TNS4: variants seen among roughly 807,000 people sequenced by gnomAD.
TNS4 encodes tensin-4.
TNS4 carries 46 observed loss-of-function variants against 70.4 expected under a neutral mutation model. The ratio of observed to expected loss-of-function variants is 0.65; its 90% CI spans 0.52 to 0.84. The LOEUF is 0.84. TNS4 is among the 40% of genes least tolerant of loss of function. The probability of loss-of-function intolerance (pLI) is 0.00; values close to 1 mark genes in which losing one functional copy is unlikely to be tolerated. For synonymous variants in TNS4, 390 were observed against 366.6 expected, an observed-to-expected ratio of 1.06 and a Z score of -0.73; for missense variants, 863 against 907.0, an observed-to-expected ratio of 0.95 and a Z score of 0.62.
intron 6 of TNS4, among the ~76,000 whole-genome samples, chr17:40,482,808 A>G (rs544671335): frequency 1.3e-5 from 2 of 151,780 alleles, no homozygotes; most frequent in East Asian, 1.9e-4. Flanking sequence ...CACCTTGTCC[A>G]TCCCCCTGCC....
intron 6 of TNS4, 39 bp from the exon 7 acceptor site, chr17:40,482,455 A>C: frequency 6.2e-7 from 1 of 1,606,426 alleles, no homozygotes; most frequent in Non-Finnish European, 8.5e-7. Context: ...ATAGAATTCC[A>C]CCTTGTGGCC....
Position 40,476,369 on chromosome 17 carries a change from C to CATGT in TNS4, c.*1218_*1219insACAT, listed in dbSNP as rs1276218773. ...TTGAAGCCACATAGCAGTAGAGGGGCGTGTGTGTGTGTGTGTGTGTGTGTG... is the reference window on the plus strand; with the variant it reads ...TTGAAGCCACATAGCAGTAGAGGGGCATGTGTGTGTGTGTGTGTGTGTGTGTGTG... On this transcript the variant is annotated 3_prime_UTR_variant, in exon 13 of 13. Coordinates refer to ENST00000254051, the MANE Select transcript of TNS4 (RefSeq NM_032865.6). The CATGT allele has an allele frequency of 1.8e-4, 17 of 92,850 alleles. No individual in the cohort carries two copies. The highest frequency in any genetic ancestry group is 3.4e-4 in the Non-Finnish European group (16 of 46,944). 5.8% of individuals were successfully genotyped at this position (92,850 alleles called of 1,614,324 possible). A position where few individuals can be genotyped will look rare whatever the true frequency, so the allele number is the denominator to read the frequency against.
Position 40,484,618 on chromosome 17 carries a change from A to G in TNS4, c.1376-9T>C. 6.2e-7 allele frequency: 1 copy of G among 1,611,516 alleles called. No individual in the cohort carries two copies. Among genetic ancestry groups the G allele is most frequent in the Non-Finnish European group, 8.5e-7 (1 of 1,179,968 alleles). Reference sequence around the variant, plus strand: ...CCTCAGCAGCTCGATTGCTGGAACAATCCTTGAGTCAGAGATGGACACCGC... The same window carrying G: ...CCTCAGCAGCTCGATTGCTGGAACAGTCCTTGAGTCAGAGATGGACACCGC... On this transcript the variant is annotated splice_polypyrimidine_tract_variant and intron_variant, in intron 5 of 12. Coordinates refer to ENST00000254051, the MANE Select transcript of TNS4 (RefSeq NM_032865.6).
chr17:40,480,087 G>C (rs1319059326), intron 9 of TNS4: 2 of 533,464 alleles, frequency 3.7e-6, no homozygotes, highest in Non-Finnish European at 6.6e-6. Flanking sequence ...GCAGGGGAGG[G>C]GATGTTGCCC....
At chr17:40,484,836 A>C in intron 5 of TNS4, 85 bp downstream of exon 5, 2 of 1,523,602 alleles carry the variant, frequency 1.3e-6, no homozygotes, top group Non-Finnish European at 1.8e-6. Context: ...ACTATTTGCC[A>C]TTCCTTAACT....
At chr17:40,482,640 GTGGTTCACATGCC>G (rs1440617216) in intron 6 of TNS4, among the ~76,000 whole-genome samples, 1 of 151,686 alleles carries the variant, frequency 6.6e-6, no homozygotes, top group Non-Finnish European at 1.5e-5. Context: ...AAAGCCGGGC[GTGGTTCACATGCC>G]TGTAGTCCCA....
rs112959200 is a variant in TNS4, at chr17:40,477,328, A to T, written c.*260T>A. ...CAGAATCATGGAGGAGCATGTTCAAATGCCCACCAGCATCTAAGAACAGCT... is the reference window on the plus strand; with the variant it reads ...CAGAATCATGGAGGAGCATGTTCAATTGCCCACCAGCATCTAAGAACAGCT... On this transcript the variant is annotated 3_prime_UTR_variant, in exon 13 of 13. Coordinates refer to ENST00000254051, the MANE Select transcript of TNS4 (RefSeq NM_032865.6). 7.5e-5 allele frequency: 34 copies of T among 453,878 alleles called. No homozygotes were observed. The highest frequency in any genetic ancestry group is 5.8e-4 in the Middle Eastern group (1 of 1,716). The allele number at this position is 453,878 out of a possible 1,614,324, so 28.1% of individuals were successfully genotyped here.
chr17:40,480,108 G>C, intron 9 of TNS4: 1 of 452,714 alleles, frequency 2.2e-6, no homozygotes, highest in Non-Finnish European at 3.9e-6. Context: ...TGTGTGTAGA[G>C]GTGCCCAGGA....
chr17:40,494,602 G>C (rs1250696290), intron 2 of TNS4, among the ~76,000 whole-genome samples: 2 of 152,026 alleles, frequency 1.3e-5, no homozygotes, highest in Non-Finnish European at 2.9e-5. Context: ...CATGGTGGCA[G>C]GTGCCTGTAA....
At chr17:40,484,450 G>T in intron 6 of TNS4, 34 bp downstream of exon 6, 1 of 1,601,942 alleles carries the variant, frequency 6.2e-7, no homozygotes. Context: ...CTGCCTCAGT[G>T]AGGCCTTGAG....
At chr17:40,477,818 C>T (rs946865856) in intron 12 of TNS4, 89 bp from the exon 13 acceptor site, 1 of 1,246,830 alleles carries the variant, frequency 8.0e-7, no homozygotes, top group South Asian at 1.3e-5. Context: ...CCTCAGCCTG[C>T]ATCTCATTCC....
At chr17:40,499,286 A>G (rs899636696) in intron 1 of TNS4, among the ~76,000 whole-genome samples, 6 of 151,778 alleles carry the variant, frequency 4.0e-5, no homozygotes, top group African/African-American at 1.4e-4. Flanking sequence ...ATTGATCACG[A>G]CCCTCTCACA....
intron 12 of TNS4, 82 bp from the exon 13 acceptor site, chr17:40,477,811 C>A: frequency 7.6e-7 from 1 of 1,321,950 alleles, no homozygotes; most frequent in South Asian, 1.3e-5. Flanking sequence ...GGGGGGCCCT[C>A]AGCCTGCATC....
At chr17:40,492,531 C>T (rs2036087453) in intron 2 of TNS4, among the ~76,000 whole-genome samples, 2 of 151,742 alleles carry the variant, frequency 1.3e-5, no homozygotes, top group Admixed American at 6.6e-5. Flanking sequence ...TCACACCCAA[C>T]TAATTTTTGT....
intron 5 of TNS4, 98 bp downstream of exon 5, chr17:40,484,823 C>T (rs1211563891): frequency 1.4e-6 from 2 of 1,464,612 alleles, no homozygotes; most frequent in African/African-American, 2.8e-5. Context: ...CTTCCCAGGA[C>T]CCACTATTTG....
chr17:40,496,388 C>A lies in TNS4; in HGVS notation c.38G>T (p.Gly13Val), dbSNP rs775487924. The change falls in exon 2 of 13, where the codon GGC becomes GTC. Residue 13 changes from glycine (G) to valine (V), a missense_variant. Physicochemically the swap from Gly to Val is moderately radical, Grantham distance 109. Transcript: ENST00000254051. ...QVMSSPLLAG[G>V]HAVSLAPCDE... ...ACAAGGCGCCAAGCTGACAGCATGG[C>A]CTCCTGCCAGCAGTGGGCTGGACAT... The A allele has an allele frequency of 1.1e-5, 17 of 1,613,028 alleles. No homozygotes were observed. The South Asian group carries it at 1.9e-4, about 18-fold the overall frequency.
chr17:40,481,795 A>G (rs921277383), intron 8 of TNS4, among the ~76,000 whole-genome samples: 38 of 152,224 alleles, frequency 2.5e-4, no homozygotes, highest in African/African-American at 8.9e-4. Flanking sequence ...TCTCCAAACT[A>G]TTTGATTTAG....
rs1376040664 is a variant in TNS4, at chr17:40,484,607, T to A, written c.1378A>T (p.Ile460Phe). The A allele has an allele frequency of 1.2e-6, 2 of 1,612,084 alleles. No individual in the cohort carries two copies. Among genetic ancestry groups the A allele is most frequent in the Non-Finnish European group, 1.7e-6 (2 of 1,179,996 alleles). The change falls in exon 6 of 13, where the codon ATC becomes TTC. Residue 460 changes from isoleucine (I) to phenylalanine (F), a missense_variant and splice_region_variant. Physicochemically the swap from Ile to Phe is conservative, Grantham distance 21. Coordinates refer to ENST00000254051, the MANE Select transcript of TNS4 (RefSeq NM_032865.6). Reference sequence around the variant, plus strand: ...GGCTCCTCCTTCCTCAGCAGCTCGATTGCTGGAACAATCCTTGAGTCAGAG... The same window carrying A: ...GGCTCCTCCTTCCTCAGCAGCTCGAATGCTGGAACAATCCTTGAGTCAGAG... ...FKPNITREQA[I>F]ELLRKEEPGA...
Position 40,482,378 on chromosome 17 carries a change from C to T in TNS4, c.1540G>A (p.Glu514Lys), listed in dbSNP as rs528237877. Reference protein sequence around the residue: ...SNDLIRHFLIESSAKGVHLKG... With the variant: ...SNDLIRHFLIKSSAKGVHLKG... The stretch of plus-strand genomic sequence containing the variant: ...AGATGCACTCCTTTGGCAGACGACT[C>T]GATGAGGAAGTGTCGGATGAGGTCA... Residue 514 changes from glutamate to lysine, a missense_variant, in exon 7 of 13, where the codon GAG (glutamate) becomes AAG (lysine). Physicochemically the swap from Glu to Lys is moderately conservative, Grantham distance 56. Coordinates refer to ENST00000254051, the MANE Select transcript of TNS4 (RefSeq NM_032865.6). The T allele has an allele frequency of 1.5e-5, 24 of 1,614,036 alleles. No homozygotes were observed. The highest frequency in any genetic ancestry group is 1.4e-4 in the South Asian group (13 of 91,084).
Sources: allele counts gnomAD v4.1 joint callset (sites outside exome capture counted in the v4.1 genomes callset), GRCh38; gene constraint gnomAD v4.1.1; transcripts MANE v1.5; gene names NCBI Gene and HGNC (gene_info 2026-07-23, HGNC 2026-07-21).